The following GPC6 variants were observed in gnomAD, a reference collection of about 807,000 sequenced individuals.
GPC6 encodes glypican-6.
In GPC6, 14 loss-of-function variants were observed where a neutral mutation model predicts 55.2. The observed-to-expected ratio is 0.25, with a 90% confidence interval of 0.17 to 0.40. The LOEUF (loss-of-function observed/expected upper bound fraction) is 0.40. Among genes scored for constraint, GPC6 ranks in the 10% least tolerant of loss-of-function variants. The probability of loss-of-function intolerance (pLI) is 1.00; values close to 1 mark genes in which losing one functional copy is unlikely to be tolerated. For synonymous variants in GPC6, 278 were observed against 259.6 expected, an observed-to-expected ratio of 1.07 and a Z score of -0.68; for missense variants, 641 against 708.5, an observed-to-expected ratio of 0.90 and a Z score of 1.08.
chr13:93,868,279 C>T (rs752380174), intron 3 of GPC6, among the ~76,000 whole-genome samples: 1 of 151,724 alleles, frequency 6.6e-6, no homozygotes, highest in Non-Finnish European at 1.5e-5. Flanking sequence ...GTTGTCTGCA[C>T]ACTTGAATAT....
At chr13:93,970,140 G>T (rs567285154) in intron 3 of GPC6, among the ~76,000 whole-genome samples, 1 of 152,150 alleles carries the variant, frequency 6.6e-6, no homozygotes, top group South Asian at 2.1e-4. Flanking sequence ...TATTCTTTTC[G>T]ATTTTTCCAT....
At chr13:93,810,430 G>A (rs1886660972) in intron 2 of GPC6, among the ~76,000 whole-genome samples, 1 of 152,198 alleles carries the variant, frequency 6.6e-6, no homozygotes, top group African/African-American at 2.4e-5. Context: ...AATGGTTTCA[G>A]TCCTGGCTTT....
intron 2 of GPC6, among the ~76,000 whole-genome samples, chr13:93,748,462 T>C (rs1884474947): frequency 6.6e-6 from 1 of 152,086 alleles, no homozygotes; most frequent in Admixed American, 6.6e-5. Flanking sequence ...ATTTAAAAGT[T>C]TATCACTCAA....
intron 2 of GPC6, among the ~76,000 whole-genome samples, chr13:93,609,058 GA>G (rs1382402583): frequency 1.3e-5 from 2 of 152,246 alleles, no homozygotes; most frequent in African/African-American, 4.8e-5. Context: ...CGTAATCCTA[GA>G]TTTCTCCCAT....
At chr13:93,799,199 T>G (rs773343793) in intron 2 of GPC6, among the ~76,000 whole-genome samples, 61 of 152,230 alleles carry the variant, frequency 4.0e-4, no homozygotes, top group Admixed American at 1.1e-3. Context: ...TCTTGAAGTT[T>G]AGTAGGTTTA....
intron 4 of GPC6, among the ~76,000 whole-genome samples, chr13:94,157,746 A>G (rs1217607586): frequency 1.3e-5 from 2 of 152,180 alleles, no homozygotes; most frequent in African/African-American, 2.4e-5. Flanking sequence ...TGTGCACACT[A>G]CACTGGAGGA....
intron 2 of GPC6, among the ~76,000 whole-genome samples, chr13:93,676,162 TATATATACATAC>T (rs1311527288): frequency 2.8e-4 from 8 of 28,898 alleles, no homozygotes; most frequent in African/African-American, 7.6e-4. Flanking sequence ...TATATATATA[TATATATACATAC>T]ACACACACAC....
At chr13:93,219,414 C>A in the GPC6 span, among the ~76,000 whole-genome samples, 2 of 152,212 alleles carry the variant, frequency 1.3e-5, no homozygotes, top group African/African-American at 4.8e-5. Context: ...TTCTTATGAC[C>A]AAACAATAGT....
At chr13:94,033,447 T>A (rs1266365615) in intron 4 of GPC6, among the ~76,000 whole-genome samples, 2 of 152,210 alleles carry the variant, frequency 1.3e-5, no homozygotes, top group African/African-American at 4.8e-5. Context: ...AATTTTGTGT[T>A]TGGGAAAATG....
At chr13:94,063,219 T>G (rs576861493) in intron 4 of GPC6, among the ~76,000 whole-genome samples, 1 of 152,318 alleles carries the variant, frequency 6.6e-6, no homozygotes, top group Non-Finnish European at 1.5e-5. Context: ...CCAGCTGCCA[T>G]GAGACACTCA....
chr13:93,449,925 C>CT (rs36091028), intron 1 of GPC6, among the ~76,000 whole-genome samples: 32,452 of 149,888 alleles, frequency 0.22, 3,552 homozygotes, highest in Middle Eastern at 0.28. Flanking sequence ...ATGTTCCACT[C>CT]TTTTTTTTTT....
intron 2 of GPC6, among the ~76,000 whole-genome samples, chr13:93,762,483 G>A (rs1007685775): frequency 2.0e-5 from 3 of 152,130 alleles, no homozygotes; most frequent in African/African-American, 7.2e-5. Flanking sequence ...GGGATATAAG[G>A]TTGTCTGCCC....
At chr13:93,489,374 C>G (rs1355563777) in intron 1 of GPC6, among the ~76,000 whole-genome samples, 1 of 151,402 alleles carries the variant, frequency 6.6e-6, no homozygotes, top group Non-Finnish European at 1.5e-5. Context: ...GTTACTGTAG[C>G]CTTGTAGTAT....
chr13:94,164,859 A>C (rs1888296272), intron 4 of GPC6, among the ~76,000 whole-genome samples: 1 of 152,210 alleles, frequency 6.6e-6, no homozygotes, highest in Admixed American at 6.5e-5. Context: ...CATAGAATTT[A>C]GTAGCATTTA....
At chr13:93,531,636 G>A (rs1802119404) in intron 1 of GPC6, among the ~76,000 whole-genome samples, 1 of 152,094 alleles carries the variant, frequency 6.6e-6, no homozygotes, top group African/African-American at 2.4e-5. Flanking sequence ...TAGCCGTGCT[G>A]GCTCAAATCT....
intron 2 of GPC6, among the ~76,000 whole-genome samples, chr13:93,644,345 C>G (rs990917703): frequency 6.6e-6 from 1 of 152,088 alleles, no homozygotes; most frequent in Non-Finnish European, 1.5e-5. Flanking sequence ...CACTTGAAGT[C>G]TCTTCAAAGC....
At chr13:93,826,968 T>C (rs866024337) in intron 2 of GPC6, among the ~76,000 whole-genome samples, 1 of 152,176 alleles carries the variant, frequency 6.6e-6, no homozygotes, top group South Asian at 2.1e-4. Flanking sequence ...ATCTCCCCTC[T>C]AGATGAATAA....
intron 2 of GPC6, among the ~76,000 whole-genome samples, chr13:93,793,600 T>C (rs1347768528): frequency 6.6e-6 from 1 of 152,178 alleles, no homozygotes. Flanking sequence ...TAATATCTTA[T>C]GTTAATGTAA....
At chr13:93,426,635 C>T (rs1877139849) in intron 1 of GPC6, among the ~76,000 whole-genome samples, 1 of 151,966 alleles carries the variant, frequency 6.6e-6, no homozygotes, top group African/African-American at 2.4e-5. Context: ...TCCGGTCTAT[C>T]ATTGTTGGAC....
Sources: gnomAD v4.1 joint callset for allele counts (sites outside exome capture counted in the v4.1 genomes callset) on GRCh38, gnomAD v4.1.1 for gene constraint, MANE v1.5 for transcripts, NCBI Gene and HGNC (gene_info 2026-07-23, HGNC 2026-07-21) for gene names.